MYO16: variants seen among roughly 807,000 people sequenced by gnomAD.
MYO16 encodes myosin XVI.
A neutral mutation model predicts 205.3 loss-of-function variants in MYO16; 94 were observed. The observed-to-expected ratio is 0.46, with a 90% CI of 0.39 to 0.54. MYO16 has a LOEUF of 0.54. Ranked by LOEUF, MYO16 falls within the 20% of genes least tolerant of loss-of-function variation. The pLI is 0.00. For missense variants in MYO16, 2,315 were observed against 2,387.5 expected (o/e 0.97, Z 0.63); for synonymous variants, 988 against 954.0 (o/e 1.04, Z -0.66).
At chr13:108,708,997 C>CT (rs1008693788) in intron 2 of MYO16, among the ~76,000 whole-genome samples, 79 of 150,338 alleles carry the variant, frequency 5.3e-4, no homozygotes, top group Non-Finnish European at 9.0e-4. Context: ...CATGCCCCCC[C>CT]ACCCCCTCCC....
chr13:108,821,795 A>G (rs977291155), intron 8 of MYO16, among the ~76,000 whole-genome samples: 2 of 152,160 alleles, frequency 1.3e-5, no homozygotes, highest in African/African-American at 4.8e-5. Flanking sequence ...AGCACAGTGC[A>G]TGAGGACTCT....
Position 109,162,497 on chromosome 13 carries a change from T to C in MYO16, c.5165-2404T>C, listed in dbSNP as rs1032610333. Among the ~76,000 whole-genome samples the C allele has an allele frequency of 2.6e-5, 4 of 152,176 alleles. No homozygotes were observed. The highest frequency in any genetic ancestry group is 9.7e-5 in the African/African-American group (4 of 41,444). ...AGGTTGCCTTTCTAAAATCACGAGC[T>C]GAAATGCAACCTCATGGACCTCACC... On this transcript the variant is annotated intron_variant, in intron 32 of 34. Coordinates refer to ENST00000457511, the MANE Select transcript of MYO16 (RefSeq NM_001198950.3). This position sits in a 1 kb window ranked among gnomAD's most constrained non-coding sequence, Gnocchi z 4.6.
At chr13:108,560,233 G>A in the MYO16 span, among the ~76,000 whole-genome samples, 1 of 152,186 alleles carries the variant, frequency 6.6e-6, no homozygotes, top group Non-Finnish European at 1.5e-5. Flanking sequence ...ATATGATGCA[G>A]TTCACCATAC....
At chr13:108,953,569 GT>G (rs544288739) in intron 16 of MYO16, among the ~76,000 whole-genome samples, 6,974 of 132,302 alleles carry the variant, frequency 0.053, 506 homozygotes, top group African/African-American at 0.18. Flanking sequence ...TTTGAGTTTT[GT>G]TTTTTTTTTT....
chr13:109,150,327 C>G (rs1353379139), intron 32 of MYO16, among the ~76,000 whole-genome samples: 1 of 152,152 alleles, frequency 6.6e-6, no homozygotes, highest in East Asian at 1.9e-4. Context: ...ATACTCACAG[C>G]CCCTCAATAA....
At chr13:108,720,052 G>T (rs1884101672) in intron 3 of MYO16, among the ~76,000 whole-genome samples, 1 of 152,230 alleles carries the variant, frequency 6.6e-6, no homozygotes, top group Admixed American at 6.5e-5. Context: ...GGAAGCTGCG[G>T]CTCTCTGCAG....
intron 7 of MYO16, among the ~76,000 whole-genome samples, chr13:108,814,192 C>A (rs1364805225): frequency 2.0e-5 from 3 of 152,112 alleles, no homozygotes; most frequent in Admixed American, 2.0e-4. Context: ...CTATAAACAG[C>A]AAATTGAATT....
At chr13:109,135,305 G>T (rs1206273176) in intron 31 of MYO16, among the ~76,000 whole-genome samples, 2 of 152,226 alleles carry the variant, frequency 1.3e-5, no homozygotes, top group African/African-American at 4.8e-5. Flanking sequence ...CTGGATGCAT[G>T]TTGCTTATGC....
intron 22 of MYO16, among the ~76,000 whole-genome samples, chr13:109,018,667 C>T (rs1369546741): frequency 6.6e-6 from 1 of 152,176 alleles, no homozygotes; most frequent in South Asian, 2.1e-4. Flanking sequence ...TTTGCTAAGA[C>T]CGTTGGAAAA....
In MYO16 at chr13:108,948,605, GCAAA is replaced by G. The variant is rs1446541496; in HGVS notation, c.1926-9080_1926-9077del. Among the ~76,000 whole-genome samples the G allele has an allele frequency of 9.2e-5, 14 of 152,302 alleles. No homozygotes were observed. The East Asian group carries it at 2.7e-3, about 29-fold the overall frequency. ...TTGAAGTTCCATGGGGATGTTTTTG[GCAAA>G]CAGTCAATGTTTGTATTTGATCTTT... On this transcript the variant is annotated intron_variant, in intron 16 of 34. Coordinates refer to ENST00000457511, the MANE Select transcript of MYO16 (RefSeq NM_001198950.3).
intron 12 of MYO16, among the ~76,000 whole-genome samples, chr13:108,879,757 A>G (rs1405976051): frequency 2.0e-5 from 3 of 152,148 alleles, no homozygotes; most frequent in Non-Finnish European, 4.4e-5. Flanking sequence ...AATTCAGTCT[A>G]TCATTGATGG....
intron 16 of MYO16, among the ~76,000 whole-genome samples, chr13:108,943,740 C>G (rs1217983607): frequency 1.3e-5 from 2 of 152,070 alleles, no homozygotes; most frequent in East Asian, 3.9e-4. Flanking sequence ...TGTGAGCCAC[C>G]ACGCCTGGCT....
In MYO16 at chr13:108,830,642, G is replaced by A. The variant is rs1876560239; in HGVS notation, c.1097+7364G>A. 2.7e-5 allele frequency among the ~76,000 whole-genome samples: 4 copies of A among 149,212 alleles called. No individual in the cohort carries two copies. The South Asian group carries it at 8.8e-4, about 33-fold the overall frequency. On this transcript the variant is annotated intron_variant, in intron 9 of 34. Transcript: ENST00000457511. ...GGGGGAGGGGGGAGGGATAGTATTG[G>A]GAGATATACCTAATGCTAGATGACG...
At position 108,964,916 on chromosome 13, in the gene MYO16, G is replaced by A. The variant is rs778045103; in HGVS notation, c.2369+14G>A. On this transcript the variant is annotated intron_variant, in intron 20 of 34. Coordinates refer to ENST00000457511, the MANE Select transcript of MYO16 (RefSeq NM_001198950.3). ...TGAACAGAAAAGGTAGGAGTTGATG[G>A]ATGTTCGGTTCTGTTGTCATTACTG... 3.1e-6 allele frequency: 5 copies of A among 1,613,454 alleles called. No individual in the cohort carries two copies. The highest frequency in any genetic ancestry group is 4.2e-6 in the Non-Finnish European group (5 of 1,179,766).
chr13:108,751,061 TCACA>T (rs35604385), intron 4 of MYO16, among the ~76,000 whole-genome samples: 18,879 of 149,888 alleles, frequency 0.13, 1,467 homozygotes, highest in Non-Finnish European at 0.18. Context: ...ATATGTGTGT[TCACA>T]CACACACACA....
At position 108,898,006 on chromosome 13, in the gene MYO16, T is replaced by G; in HGVS notation, c.1660-10T>G. 1 of 1,590,262 alleles carries G rather than the reference T, an allele frequency of 6.3e-7. No homozygotes were observed. Among genetic ancestry groups the G allele is most frequent in the South Asian group, 1.1e-5 (1 of 90,542 alleles). ...TGAGCAGTTCAGTAAAATGTTCTCC[T>G]CTCCCACAGGTCGTGTGCATCTTAG... On this transcript the variant is annotated splice_polypyrimidine_tract_variant and intron_variant, in intron 14 of 34. Transcript: ENST00000457511.
chr13:108,674,817 C>T (rs1998877), intron 2 of MYO16, among the ~76,000 whole-genome samples: 4,629 of 152,236 alleles, frequency 0.03, 93 homozygotes, highest in Non-Finnish European at 0.046. Context: ...TTAACCACTA[C>T]GAATGTCTCC....
chr13:108,632,008 G>A (rs1880003486), intron 1 of MYO16, among the ~76,000 whole-genome samples: 1 of 151,126 alleles, frequency 6.6e-6, no homozygotes, highest in African/African-American at 2.4e-5. Flanking sequence ...AACCCGGGAG[G>A]CGGAGCTTGC....
chr13:109,206,163 G>C (rs985871987), intron 34 of MYO16, among the ~76,000 whole-genome samples: 1 of 152,172 alleles, frequency 6.6e-6, no homozygotes, highest in Admixed American at 6.5e-5. Flanking sequence ...TAATAGTCAT[G>C]TTTGACTATT....
Sources: allele counts gnomAD v4.1 joint callset (sites outside exome capture counted in the v4.1 genomes callset), GRCh38; gene constraint gnomAD v4.1.1; non-coding constraint Gnocchi (gnomAD v3.1); transcripts MANE v1.5; gene names NCBI Gene and HGNC (gene_info 2026-07-23, HGNC 2026-07-21).